Variants in TANC2 observed in about 807,000 individuals in gnomAD.
TANC2 encodes the protein tetratricopeptide repeat, ankyrin repeat and coiled-coil containing 2.
Under a neutral mutation model 210.5 loss-of-function variants are expected in TANC2, and 26 were observed. That is an observed-to-expected ratio of 0.12 (90% CI 0.09 to 0.17). TANC2 has a LOEUF of 0.17. Ranked by LOEUF, TANC2 falls within the 10% of genes least tolerant of loss-of-function variation. The pLI, the probability that TANC2 is intolerant of heterozygous loss-of-function variation, is 1.00. For synonymous variants in TANC2, 931 were observed against 967.1 expected, an observed-to-expected ratio of 0.96 and a Z score of 0.69; for missense variants, 2,129 against 2,608.9, an observed-to-expected ratio of 0.82 and a Z score of 4.01.
chr17:63,065,725 T>C (rs1483767599), intron 2 of TANC2, among the ~76,000 whole-genome samples: 1 of 152,192 alleles, frequency 6.6e-6, no homozygotes. Context: ...TCAGGTTCTT[T>C]GCCCATTTTT....
intron 8 of TANC2, among the ~76,000 whole-genome samples, chr17:63,243,046 A>G (rs1184929890): frequency 2.0e-5 from 3 of 152,184 alleles, no homozygotes; most frequent in East Asian, 1.9e-4. Flanking sequence ...GGCTACTGCT[A>G]TTGCTCTGAG....
chr17:63,287,229 G>A (rs1298621896), intron 9 of TANC2, among the ~76,000 whole-genome samples: 4 of 152,042 alleles, frequency 2.6e-5, no homozygotes, highest in Admixed American at 2.6e-4. Flanking sequence ...CACTGCACCC[G>A]CCCTCATTTC....
chr17:63,250,333 T>A (rs2043024254), intron 8 of TANC2, among the ~76,000 whole-genome samples: 1 of 152,058 alleles, frequency 6.6e-6, no homozygotes, highest in African/African-American at 2.4e-5. Flanking sequence ...AGGCAGGGTC[T>A]CACAGTGTTG....
At chr17:63,248,847 A>G (rs530330057) in intron 8 of TANC2, among the ~76,000 whole-genome samples, 68 of 152,314 alleles carry the variant, frequency 4.5e-4, no homozygotes, top group Non-Finnish European at 8.8e-5. Flanking sequence ...GTCAGCATGT[A>G]TGCAAATATT....
At chr17:63,122,100 A>G (rs370330720) in intron 4 of TANC2, among the ~76,000 whole-genome samples, 1 of 152,206 alleles carries the variant, frequency 6.6e-6, no homozygotes, top group African/African-American at 2.4e-5. Flanking sequence ...AAAAAAGTGA[A>G]TAGTGGTTTG....
chr17:63,200,784 C>G, exon 7 of TANC2: 1 of 1,612,906 alleles, frequency 6.2e-7, no homozygotes, highest in Non-Finnish European at 8.5e-7. Flanking sequence ...TCAGCAATCA[C>G]CCAGCGGATA....
intron 15 of TANC2, among the ~76,000 whole-genome samples, chr17:63,387,237 G>A (rs2047813176): frequency 6.6e-6 from 1 of 152,162 alleles, no homozygotes; most frequent in Admixed American, 6.5e-5. Context: ...AAAGGTGCCT[G>A]TGTCGGAAAA....
intron 4 of TANC2, among the ~76,000 whole-genome samples, chr17:63,111,708 G>A (rs2038053213): frequency 6.6e-6 from 1 of 151,898 alleles, no homozygotes; most frequent in African/African-American, 2.4e-5. Flanking sequence ...GTTTATGATT[G>A]TATAAATTGC....
At chr17:63,034,720 T>C (rs2034904748) in intron 2 of TANC2, among the ~76,000 whole-genome samples, 1 of 152,136 alleles carries the variant, frequency 6.6e-6, no homozygotes, top group South Asian at 2.1e-4. Flanking sequence ...GAAGACTTCA[T>C]TGGAGGAAGT....
At chr17:63,086,778 CTG>C (rs943860318) in intron 3 of TANC2, among the ~76,000 whole-genome samples, 1 of 143,790 alleles carries the variant, frequency 7.0e-6, no homozygotes, top group African/African-American at 2.6e-5. Flanking sequence ...CATTAGTGCT[CTG>C]TAGCTAGCTA....
intron 2 of TANC2, among the ~76,000 whole-genome samples, chr17:63,020,493 C>T (rs570050244): frequency 1.1e-3 from 171 of 152,040 alleles, no homozygotes; most frequent in African/African-American, 3.8e-3. Context: ...TTTATAGAGA[C>T]GAGGTCTTAT....
At chr17:63,273,636 A>C (rs1027291310) in intron 9 of TANC2, among the ~76,000 whole-genome samples, 11 of 152,162 alleles carry the variant, frequency 7.2e-5, no homozygotes, top group African/African-American at 2.7e-4. Flanking sequence ...ATTTTATTTT[A>C]GGATCACAAT....
chr17:63,227,441 G>A (rs1165837335), intron 7 of TANC2, among the ~76,000 whole-genome samples: 1 of 152,072 alleles, frequency 6.6e-6, no homozygotes, highest in African/African-American at 2.4e-5. Context: ...TTTTTAATAG[G>A]ATTGTTTGTT....
intron 7 of TANC2, among the ~76,000 whole-genome samples, chr17:63,228,856 T>C (rs780120911): frequency 2.0e-5 from 3 of 152,190 alleles, no homozygotes; most frequent in African/African-American, 7.2e-5. Flanking sequence ...TTTCTAGATA[T>C]AGGATCATGT....
intron 3 of TANC2, 123 bp from the exon 4 acceptor site, chr17:63,099,052 G>GA: frequency 9.8e-7 from 1 of 1,015,834 alleles, no homozygotes; most frequent in Non-Finnish European, 1.5e-6. Context: ...TGCATGTAGT[G>GA]AAAATACTTT....
intron 4 of TANC2, among the ~76,000 whole-genome samples, chr17:63,121,551 C>G (rs1341148621): frequency 6.6e-6 from 1 of 151,984 alleles, no homozygotes; most frequent in East Asian, 1.9e-4. Context: ...TGAAGTGGTA[C>G]CCAAAAGGAA....
At chr17:63,055,979 AAAAAAAAAAAAATATAT>A (rs1463379188) in intron 2 of TANC2, among the ~76,000 whole-genome samples, 2,877 of 41,026 alleles carry the variant, frequency 0.07, 74 homozygotes, top group Admixed American at 0.095. Flanking sequence ...AAAAAAAAAA[AAAAAAAAAAAAATATAT>A]ATATATATAT....
intron 4 of TANC2, among the ~76,000 whole-genome samples, chr17:63,145,714 A>G (rs2039439886): frequency 6.6e-6 from 1 of 152,106 alleles, no homozygotes; most frequent in Admixed American, 6.5e-5. Flanking sequence ...TATTGATGAT[A>G]CGGTTTATTT....
intron 15 of TANC2, among the ~76,000 whole-genome samples, chr17:63,383,572 C>CTA (rs1314789017): frequency 6.6e-6 from 1 of 152,162 alleles, no homozygotes; most frequent in Non-Finnish European, 1.5e-5. Context: ...TAATATTTCA[C>CTA]TATAAGGATT....
Sources: allele counts gnomAD v4.1 joint callset (sites outside exome capture counted in the v4.1 genomes callset), GRCh38; gene constraint gnomAD v4.1.1; transcripts MANE v1.5; gene names NCBI Gene and HGNC (gene_info 2026-07-23, HGNC 2026-07-21).